Variants in BET1 observed in about 807,000 individuals in gnomAD.
BET1 encodes the protein Bet1 golgi vesicular membrane trafficking protein.
A neutral mutation model predicts 13.9 loss-of-function variants in BET1; 9 were observed. The observed-to-expected ratio is 0.65, with a 90% CI of 0.39 to 1.13. The LOEUF (loss-of-function observed/expected upper bound fraction) is 1.13, where lower values mean the gene tolerates loss of function less well. Ranked by LOEUF, BET1 falls within the 50% of genes most tolerant of loss-of-function variation. The pLI is 0.01. For synonymous variants in BET1, 39 were observed against 47.3 expected (o/e 0.82, Z 0.72); for missense variants, 127 against 133.6 (o/e 0.95, Z 0.24).
intron 6 of BET1, among the ~76,000 whole-genome samples, chr7:93,971,713 C>T (rs576915378): frequency 2.6e-5 from 4 of 151,470 alleles, no homozygotes; most frequent in South Asian, 4.2e-4. Context: ...CAAAGTGTCT[C>T]GGTCTACATA....
At chr7:93,987,662 G>A (rs1795552823) in intron 4 of BET1, among the ~76,000 whole-genome samples, 1 of 152,130 alleles carries the variant, frequency 6.6e-6, no homozygotes, top group Non-Finnish European at 1.5e-5. Flanking sequence ...TGTCTGGTGG[G>A]AAAGGGAGAG....
chr7:93,970,956 G>A (rs79329478), intron 6 of BET1, among the ~76,000 whole-genome samples: 1 of 151,668 alleles, frequency 6.6e-6, no homozygotes, highest in East Asian at 1.9e-4. Context: ...TATCTTGCCT[G>A]GTCCCTGAAT....
chr7:93,966,560 C>T (rs1018936496), intron 6 of BET1, among the ~76,000 whole-genome samples: 1 of 151,062 alleles, frequency 6.6e-6, no homozygotes, highest in African/African-American at 2.4e-5. Context: ...CAATTCTAGC[C>T]AATGTCACTT....
chr7:93,994,399 A>C lies in BET1; in HGVS notation c.202-14T>G, dbSNP rs1433673997. 1 of 1,606,092 alleles carries C rather than the reference A, an allele frequency of 6.2e-7. No homozygotes were observed. The highest frequency in any genetic ancestry group is 8.5e-7 in the Non-Finnish European group (1 of 1,175,832). On this transcript the variant is annotated splice_polypyrimidine_tract_variant and intron_variant, in intron 3 of 3. Coordinates refer to ENST00000222547, the MANE Select transcript of BET1 (RefSeq NM_005868.6). ...AAATTGTGAATCCTATCAGAGATAA[A>C]GGCAAATAAAATATCACAGTTAGAT...
At chr7:93,997,103 A>C (rs1189109750) in intron 2 of BET1, among the ~76,000 whole-genome samples, 1 of 152,150 alleles carries the variant, frequency 6.6e-6, no homozygotes, top group Non-Finnish European at 1.5e-5. Context: ...TATGACAACT[A>C]TTCAAACCAA....
downstream of BET1, chr7:93,993,198 C>T (rs939334808): frequency 2.0e-6 from 2 of 984,428 alleles, no homozygotes; most frequent in African/African-American, 1.7e-5. Context: ...TTGTCAGGAC[C>T]ATTTCTCAGA....
chr7:94,000,550 A>T (rs1027859703), intron 1 of BET1, among the ~76,000 whole-genome samples: 1 of 152,134 alleles, frequency 6.6e-6, no homozygotes, highest in African/African-American at 2.4e-5. Context: ...AGATAAAACA[A>T]ACTTGTTTGA....
At chr7:93,977,380 T>C (rs368797634) in intron 4 of BET1, among the ~76,000 whole-genome samples, 1 of 152,130 alleles carries the variant, frequency 6.6e-6, no homozygotes, top group East Asian at 1.9e-4. Flanking sequence ...TTAGCCTTCA[T>C]TGGCTTTGTT....
At chr7:93,987,374 T>C (rs994468927) in intron 4 of BET1, 2 of 152,230 alleles carry the variant, frequency 1.3e-5, no homozygotes, top group African/African-American at 4.8e-5. Context: ...ATTTTTGGGC[T>C]GACTGTAGGG....
chr7:93,998,682 A>G (rs1338363277), intron 2 of BET1, among the ~76,000 whole-genome samples: 1 of 151,814 alleles, frequency 6.6e-6, no homozygotes, highest in Non-Finnish European at 1.5e-5. Flanking sequence ...CTGGGCAACA[A>G]GAGCAAAACT....
intron 4 of BET1, among the ~76,000 whole-genome samples, chr7:93,980,981 T>A (rs1161198165): frequency 6.6e-6 from 1 of 152,212 alleles, no homozygotes; most frequent in Non-Finnish European, 1.5e-5. Flanking sequence ...CGTATCTTAG[T>A]ATCACTTTTA....
chr7:93,972,614 C>T (rs1337664266), exon 6 of BET1: 2 of 151,818 alleles, frequency 1.3e-5, no homozygotes, highest in Non-Finnish European at 2.9e-5. Flanking sequence ...CAAGAAGAGA[C>T]TTTTCAGAGT....
chr7:93,998,888 G>A (rs985626917), intron 2 of BET1, among the ~76,000 whole-genome samples: 1 of 152,094 alleles, frequency 6.6e-6, no homozygotes, highest in African/African-American at 2.4e-5. Context: ...GGGGGTGGAA[G>A]ATGGACAGCT....
intron 3 of BET1, among the ~76,000 whole-genome samples, chr7:93,994,977 G>C (rs1259734770): frequency 1.3e-5 from 2 of 152,184 alleles, no homozygotes; most frequent in East Asian, 1.9e-4. Flanking sequence ...CCAAGTAGCT[G>C]GGACTACAGG....
At chr7:93,975,822 A>G in intron 5 of BET1, 3 of 645,896 alleles carry the variant, frequency 4.6e-6, no homozygotes, top group Non-Finnish European at 6.2e-6. Context: ...TTTTAATATC[A>G]TGCTCAATCA....
chr7:93,973,767 T>G (rs761780064), intron 5 of BET1, among the ~76,000 whole-genome samples: 1 of 152,002 alleles, frequency 6.6e-6, no homozygotes, highest in Non-Finnish European at 1.5e-5. Context: ...AATACTGAAT[T>G]ATATGCTACA....
intron 4 of BET1, among the ~76,000 whole-genome samples, chr7:93,984,188 C>T (rs1584134129): frequency 6.6e-6 from 1 of 152,128 alleles, no homozygotes; most frequent in African/African-American, 2.4e-5. Flanking sequence ...CAATCTCTGC[C>T]TCTGTCTCCA....
exon 5 of BET1, chr7:93,975,971 C>A: frequency 7.9e-7 from 1 of 1,270,878 alleles, no homozygotes; most frequent in Middle Eastern, 2.2e-4. Flanking sequence ...AATTCTGCAG[C>A]TGTGATAGAT....
intron 5 of BET1, among the ~76,000 whole-genome samples, chr7:93,975,320 A>G (rs1376576089): frequency 6.6e-6 from 1 of 152,132 alleles, no homozygotes; most frequent in Admixed American, 6.6e-5. Context: ...TTCTGTAAGT[A>G]ATGTTCTTAC....
Sources: gnomAD v4.1 joint callset for allele counts (sites outside exome capture counted in the v4.1 genomes callset) on GRCh38, gnomAD v4.1.1 for gene constraint, MANE v1.5 for transcripts, NCBI Gene and HGNC (gene_info 2026-07-23, HGNC 2026-07-21) for gene names.